The following NELL1 variants were observed in gnomAD, a reference collection of about 807,000 sequenced individuals.
NELL1 encodes the protein protein kinase C-binding protein NELL1.
NELL1 carries 76 observed loss-of-function variants against 107.4 expected under a neutral mutation model. The observed-to-expected ratio is 0.71, with a 90% CI of 0.59 to 0.86. The LOEUF (loss-of-function observed/expected upper bound fraction) is 0.86. NELL1 is among the 40% of genes least tolerant of loss of function. The pLI, the probability that NELL1 is intolerant of heterozygous loss-of-function variation, is 0.00. For synonymous variants in NELL1, 353 were observed against 341.2 expected, an observed-to-expected ratio of 1.03 and a Z score of -0.38; for missense variants, 1,024 against 1,005.5, an observed-to-expected ratio of 1.02 and a Z score of -0.25.
chr11:21,459,296 T>C (rs75453417), intron 15 of NELL1, among the ~76,000 whole-genome samples: 2,315 of 142,116 alleles, frequency 0.016, 62 homozygotes, highest in African/African-American at 0.057. Flanking sequence ...TAACCTGCCA[T>C]GGTTCAGGAG....
At position 21,197,707 on chromosome 11, in the gene NELL1, AAATAGTGAGGCATCCTTT is replaced by A. The variant is rs562881927; in HGVS notation, c.1427-31620_1427-31603del. 2.6e-3 allele frequency among the ~76,000 whole-genome samples: 391 copies of A among 152,322 alleles called. 4 individuals carry two copies. Among genetic ancestry groups the A allele is most frequent in the African/African-American group, 9.1e-3 (378 of 41,580 alleles). ...GTAAAGGCAGTGTGAGGCAACTGAT[AAATAGTGAGGCATCCTTT>A]AATACACCTCACTTTAACGATGGGA... On this transcript the variant is annotated intron_variant, in intron 13 of 19. Transcript: ENST00000357134.
chr11:20,745,838 A>G (rs1257867414), intron 2 of NELL1, among the ~76,000 whole-genome samples: 2 of 152,208 alleles, frequency 1.3e-5, no homozygotes, highest in Non-Finnish European at 2.9e-5. Flanking sequence ...TGACTTGTCC[A>G]AGAACACATA....
At chr11:20,983,413 AC>A (rs11354684) in intron 12 of NELL1, among the ~76,000 whole-genome samples, 41,165 of 151,712 alleles carry the variant, frequency 0.27, 6,923 homozygotes, top group East Asian at 0.51. Flanking sequence ...TATATACTAC[AC>A]CCCCCAGCTC....
At chr11:20,684,763 T>G (rs888231959) in intron 2 of NELL1, among the ~76,000 whole-genome samples, 17 of 152,182 alleles carry the variant, frequency 1.1e-4, no homozygotes, top group Admixed American at 7.2e-4. Context: ...TAAAGGTTTG[T>G]TAGATGGGCC....
At chr11:21,480,507 T>C (rs1286901726) in intron 15 of NELL1, among the ~76,000 whole-genome samples, 1 of 152,210 alleles carries the variant, frequency 6.6e-6, no homozygotes, top group East Asian at 1.9e-4. Flanking sequence ...AGCTTCACAG[T>C]GTCGGCCACG....
chr11:21,015,656 T>G (rs1852547466), intron 12 of NELL1, among the ~76,000 whole-genome samples: 1 of 152,036 alleles, frequency 6.6e-6, no homozygotes, highest in African/African-American at 2.4e-5. Context: ...AGGGCCCATT[T>G]TCAAGACTTT....
rs191174036 is a variant in NELL1, at chr11:21,480,796, C to G, written c.1646-53578C>G. ...GTTAATAATGTTATGGCATCCTGTT[C>G]CCCTCAGAATGCTTCATTTTAATTT... On this transcript the variant is annotated intron_variant, in intron 15 of 19. Transcript: ENST00000357134. 7.5e-4 allele frequency among the ~76,000 whole-genome samples: 114 copies of G among 152,276 alleles called. 2 individuals carry two copies. The highest frequency in any genetic ancestry group is 2.7e-3 in the African/African-American group (111 of 41,570).
chr11:21,514,076 G>A (rs1018855015), intron 15 of NELL1, among the ~76,000 whole-genome samples: 4 of 152,144 alleles, frequency 2.6e-5, no homozygotes, highest in African/African-American at 9.7e-5. Flanking sequence ...CAACTCGATT[G>A]CAAATGATTG....
chr11:20,694,905 T>C (rs1854574415), intron 2 of NELL1, among the ~76,000 whole-genome samples: 1 of 152,258 alleles, frequency 6.6e-6, no homozygotes, highest in Non-Finnish European at 1.5e-5. Context: ...TTAATGATAG[T>C]GATTCTTCTA....
At chr11:21,074,388 A>AT (rs1194163215) in intron 12 of NELL1, among the ~76,000 whole-genome samples, 1 of 149,300 alleles carries the variant, frequency 6.7e-6, no homozygotes, top group Non-Finnish European at 1.5e-5. Context: ...TAATTAAAAC[A>AT]TTTTTTTAAC....
intron 14 of NELL1, among the ~76,000 whole-genome samples, chr11:21,270,441 C>T (rs1848717325): frequency 6.6e-6 from 1 of 152,012 alleles, no homozygotes; most frequent in Non-Finnish European, 1.5e-5. Flanking sequence ...GATAAATGGG[C>T]ATTACATAAT....
chr11:21,197,110 C>T (rs1198290877), intron 13 of NELL1, among the ~76,000 whole-genome samples: 3 of 151,934 alleles, frequency 2.0e-5, no homozygotes, highest in Non-Finnish European at 4.4e-5. Flanking sequence ...AACTCCTGAC[C>T]TTGTGATCCG....
At chr11:21,196,483 A>T (rs1857156125) in intron 13 of NELL1, among the ~76,000 whole-genome samples, 1 of 151,986 alleles carries the variant, frequency 6.6e-6, no homozygotes, top group Non-Finnish European at 1.5e-5. Flanking sequence ...AGAATGCTAG[A>T]GGGTTGCTAG....
intron 12 of NELL1, among the ~76,000 whole-genome samples, chr11:20,984,194 A>G (rs1281359488): frequency 1.3e-5 from 2 of 152,064 alleles, no homozygotes; most frequent in African/African-American, 4.8e-5. Context: ...AGGATTTCTC[A>G]ATGATTCTGG....
intron 14 of NELL1, among the ~76,000 whole-genome samples, chr11:21,336,649 G>GTA (rs1171839311): frequency 2.7e-5 from 3 of 111,446 alleles, no homozygotes; most frequent in East Asian, 2.9e-4. Flanking sequence ...TCATATGTGT[G>GTA]TGTATATATA....
intron 14 of NELL1, among the ~76,000 whole-genome samples, chr11:21,327,807 G>A (rs1565170206): frequency 6.6e-6 from 1 of 152,140 alleles, no homozygotes; most frequent in Non-Finnish European, 1.5e-5. Context: ...TGGAGATGAG[G>A]AACTTGTTGG....
intron 3 of NELL1, among the ~76,000 whole-genome samples, chr11:20,837,799 T>G (rs1848560412): frequency 6.6e-6 from 1 of 151,972 alleles, no homozygotes; most frequent in South Asian, 2.1e-4. Flanking sequence ...AACCCATGAG[T>G]CTACACTGAT....
rs1565165685 is a variant in NELL1 at position 21,319,518 on chromosome 11, T to TATA, written c.1550-51335_1550-51334insATA. On this transcript the variant is annotated intron_variant, in intron 14 of 19. Coordinates refer to ENST00000357134, the MANE Select transcript of NELL1 (RefSeq NM_006157.5). ...TTTATATATATATATATATATATAT[T>TATA]TTTAGTAGAGACAGGTTTTTAACAT... Among the ~76,000 whole-genome samples the TATA allele has an allele frequency of 8.9e-5, 10 of 112,916 alleles. No homozygotes were observed. In the East Asian group the frequency reaches 1.4e-3, roughly 16 times the overall value. The allele number at this position is 112,916 out of a possible 152,430, so 74.1% of individuals were successfully genotyped here. A position where few individuals can be genotyped will look rare whatever the true frequency, so the allele number is the denominator to read the frequency against.
At chr11:21,451,783 T>C (rs1853593887) in intron 15 of NELL1, among the ~76,000 whole-genome samples, 1 of 152,156 alleles carries the variant, frequency 6.6e-6, no homozygotes, top group Non-Finnish European at 1.5e-5. Flanking sequence ...TGAAATAAAA[T>C]TATTCTTAAA....
Sources: allele counts gnomAD v4.1 joint callset (sites outside exome capture counted in the v4.1 genomes callset), GRCh38; gene constraint gnomAD v4.1.1; transcripts MANE v1.5; gene names NCBI Gene and HGNC (gene_info 2026-07-23, HGNC 2026-07-21).